The following LCORL variants were observed in gnomAD, a reference collection of about 807,000 sequenced individuals.
LCORL encodes ligand-dependent nuclear receptor corepressor-like protein.
In LCORL, 41 loss-of-function variants were observed where a neutral mutation model predicts 141.8. That is an observed-to-expected ratio of 0.29 (90% CI 0.23 to 0.38). The LOEUF (loss-of-function observed/expected upper bound fraction) is 0.38. Among genes scored for constraint, LCORL ranks in the 10% least tolerant of loss-of-function variants. The pLI, the probability that LCORL is intolerant of heterozygous loss-of-function variation, is 1.00. For missense variants in LCORL, 1,759 were observed against 2,035.0 expected (o/e 0.86, Z 2.61); for synonymous variants, 618 against 694.1 (o/e 0.89, Z 1.72).
intron 5 of LCORL, among the ~76,000 whole-genome samples, chr4:17,896,268 T>G (rs1340332945): frequency 1.3e-5 from 2 of 152,134 alleles, no homozygotes; most frequent in Non-Finnish European, 2.9e-5. Context: ...TCTTTTCTCC[T>G]CTCCTTTCCT....
intron 4 of LCORL, among the ~76,000 whole-genome samples, chr4:17,945,923 C>T (rs1353831682): frequency 6.6e-6 from 1 of 151,328 alleles, no homozygotes; most frequent in Admixed American, 6.6e-5. Flanking sequence ...ATTTAAATAC[C>T]ATGAAGAACT....
At chr4:17,865,271 T>C (rs1273874676) in intron 7 of LCORL, among the ~76,000 whole-genome samples, 1 of 152,144 alleles carries the variant, frequency 6.6e-6, no homozygotes, top group Non-Finnish European at 1.5e-5. Flanking sequence ...CACAAAAAAT[T>C]CAAAAAGACT....
At chr4:17,998,985 A>AAAAAAAAAAAAT (rs1374815646) in intron 1 of LCORL, among the ~76,000 whole-genome samples, 1 of 57,892 alleles carries the variant, frequency 1.7e-5, no homozygotes, top group Non-Finnish European at 3.3e-5. Flanking sequence ...AAAAAAAAAA[A>AAAAAAAAAAAAT]ATATATATAT....
chr4:18,017,357 A>G (rs569019070), intron 1 of LCORL, among the ~76,000 whole-genome samples: 1 of 152,278 alleles, frequency 6.6e-6, no homozygotes, highest in South Asian at 2.1e-4. Context: ...GTTCCCCAAA[A>G]TAATTTTTCC....
At chr4:17,898,652 GTTTTTTTTTT>G (rs34770223) in intron 5 of LCORL, among the ~76,000 whole-genome samples, 1 of 119,272 alleles carries the variant, frequency 8.4e-6, no homozygotes, top group South Asian at 3.0e-4. Context: ...CATTCTCACC[GTTTTTTTTTT>G]TTTTTTTTTG....
intron 7 of LCORL, among the ~76,000 whole-genome samples, chr4:17,854,319 C>T (rs1724110273): frequency 6.6e-6 from 1 of 152,066 alleles, no homozygotes. Flanking sequence ...AAATGCCTGG[C>T]ATTTTGACTG....
intron 7 of LCORL, among the ~76,000 whole-genome samples, chr4:17,868,268 CA>C (rs1255086538): frequency 6.6e-6 from 1 of 152,028 alleles, no homozygotes; most frequent in African/African-American, 2.4e-5. Context: ...AATGTAAATT[CA>C]GTTATTTTTG....
chr4:17,916,643 C>CTTTTTTTTTTTTTTTTTT, intron 4 of LCORL, among the ~76,000 whole-genome samples: 1 of 113,134 alleles, frequency 8.8e-6, no homozygotes, highest in Non-Finnish European at 1.8e-5. Context: ...AATTAAATGT[C>CTTTTTTTTTTTTTTTTTT]TTTTTTTTTT....
intron 4 of LCORL, among the ~76,000 whole-genome samples, chr4:17,923,150 T>C (rs1002375890): frequency 6.6e-6 from 1 of 152,312 alleles, no homozygotes; most frequent in Non-Finnish European, 1.5e-5. Context: ...TTCTAACTTA[T>C]ATAAGCAGAA....
chr4:17,885,284 G>A (rs1728117714), intron 6 of LCORL, among the ~76,000 whole-genome samples: 2 of 151,842 alleles, frequency 1.3e-5, no homozygotes, highest in African/African-American at 2.4e-5. Flanking sequence ...CTTGAAACAA[G>A]TAGATGTTAT....
At chr4:17,936,360 G>GAAAAA (rs10646952) in intron 4 of LCORL, among the ~76,000 whole-genome samples, 1 of 96,454 alleles carries the variant, frequency 1.0e-5, no homozygotes, top group African/African-American at 3.4e-5. Context: ...GTCTCATAAT[G>GAAAAA]AAAAAAAAAA....
intron 4 of LCORL, among the ~76,000 whole-genome samples, chr4:17,914,001 A>T (rs567665044): frequency 1.3e-5 from 2 of 152,294 alleles, no homozygotes; most frequent in African/African-American, 4.8e-5. Flanking sequence ...AAGTCCCCTC[A>T]TATTTGTTAA....
At chr4:17,870,959 T>C (rs1450157439) in intron 7 of LCORL, among the ~76,000 whole-genome samples, 1 of 152,138 alleles carries the variant, frequency 6.6e-6, no homozygotes, top group Non-Finnish European at 1.5e-5. Flanking sequence ...GAAGCAAAAC[T>C]TTTCATCAAC....
At chr4:17,910,363 T>C (rs1341019240) in intron 4 of LCORL, among the ~76,000 whole-genome samples, 1 of 152,198 alleles carries the variant, frequency 6.6e-6, no homozygotes, top group Non-Finnish European at 1.5e-5. Context: ...TTGGGAAAGA[T>C]GACTAGAGAA....
At chr4:17,874,679 C>T in exon 7 of LCORL, 2 of 1,233,778 alleles carry the variant, frequency 1.6e-6, no homozygotes, top group South Asian at 8.2e-5. Flanking sequence ...TGTTTAATTC[C>T]TCTAATAAGG....
At chr4:17,945,128 G>A (rs1222606395) in intron 4 of LCORL, among the ~76,000 whole-genome samples, 6 of 152,030 alleles carry the variant, frequency 3.9e-5, no homozygotes, top group African/African-American at 9.7e-5. Context: ...AGAATAAGAC[G>A]CTGAGGTTCC....
intron 1 of LCORL, among the ~76,000 whole-genome samples, chr4:17,984,237 G>A (rs982664188): frequency 3.9e-5 from 6 of 152,168 alleles, no homozygotes; most frequent in African/African-American, 1.4e-4. Flanking sequence ...CTCTTTTATT[G>A]TTGTGTCTCT....
intron 1 of LCORL, among the ~76,000 whole-genome samples, chr4:17,986,038 T>C (rs1718904806): frequency 6.6e-6 from 1 of 152,218 alleles, no homozygotes; most frequent in Non-Finnish European, 1.5e-5. Flanking sequence ...TGGCTGGATA[T>C]AAAAATCTTG....
chr4:17,958,153 C>T (rs13105471), intron 4 of LCORL, among the ~76,000 whole-genome samples: 36,100 of 151,660 alleles, frequency 0.24, 5,473 homozygotes, highest in African/African-American at 0.43. Flanking sequence ...TAAAACCTGG[C>T]TATCAATTAA....
Sources: gnomAD v4.1 joint callset for allele counts (sites outside exome capture counted in the v4.1 genomes callset) on GRCh38, gnomAD v4.1.1 for gene constraint, MANE v1.5 for transcripts, NCBI Gene and HGNC (gene_info 2026-07-23, HGNC 2026-07-21) for gene names.